Variants in CDK19 observed in about 807,000 individuals in gnomAD.
CDK19 encodes cyclin dependent kinase 19.
In CDK19, 20 loss-of-function variants were observed where a neutral mutation model predicts 68.3. That is an observed-to-expected ratio of 0.29 (90% CI 0.21 to 0.43). CDK19 has a LOEUF of 0.43. Among genes scored for constraint, CDK19 ranks in the 20% least tolerant of loss-of-function variants. The pLI is 1.00. For missense variants in CDK19, 339 were observed against 623.5 expected (o/e 0.54, Z 4.86); for synonymous variants, 221 against 222.8 (o/e 0.99, Z 0.07).
At chr6:110,715,270 C>T (rs569102086) in intron 2 of CDK19, among the ~76,000 whole-genome samples, 24 of 152,194 alleles carry the variant, frequency 1.6e-4, no homozygotes, top group African/African-American at 5.5e-4. Context: ...CTAAAAGTAG[C>T]TTAATCATTA....
chr6:110,674,437 G>A (rs974984766), intron 2 of CDK19, among the ~76,000 whole-genome samples: 1 of 152,182 alleles, frequency 6.6e-6, no homozygotes, highest in Non-Finnish European at 1.5e-5. Context: ...TGAAAGCTAG[G>A]CCTCTTGCAC....
intron 4 of CDK19, chr6:110,643,294 C>A: frequency 1.2e-6 from 1 of 806,500 alleles, no homozygotes; most frequent in Non-Finnish European, 1.8e-6. Flanking sequence ...AAGAGGTCCA[C>A]CTAAAGGTAA....
chr6:110,714,452 A>C (rs1775206769), intron 2 of CDK19, among the ~76,000 whole-genome samples: 1 of 152,212 alleles, frequency 6.6e-6, no homozygotes, highest in Non-Finnish European at 1.5e-5. Flanking sequence ...CCTGGGTCAT[A>C]TGGTAACTTT....
At chr6:110,751,527 C>A (rs1401700922) in intron 1 of CDK19, among the ~76,000 whole-genome samples, 1 of 152,070 alleles carries the variant, frequency 6.6e-6, no homozygotes, top group Non-Finnish European at 1.5e-5. Context: ...AGTTGTATTT[C>A]ATTATATACT....
chr6:110,775,149 GC>G (rs1357291549), intron 1 of CDK19, among the ~76,000 whole-genome samples: 1 of 152,086 alleles, frequency 6.6e-6, no homozygotes, highest in African/African-American at 2.4e-5. Flanking sequence ...GGAGGCTGAG[GC>G]AGGAAAATTG....
chr6:110,694,727 C>G (rs754266605), intron 2 of CDK19, among the ~76,000 whole-genome samples: 6 of 152,198 alleles, frequency 3.9e-5, no homozygotes, highest in Non-Finnish European at 7.3e-5. Context: ...ATGGAACATT[C>G]TCCAAGACAG....
At chr6:110,783,536 G>C (rs572139830) in intron 1 of CDK19, among the ~76,000 whole-genome samples, 143 of 151,730 alleles carry the variant, frequency 9.4e-4, no homozygotes, top group Admixed American at 4.9e-3. Flanking sequence ...TTCTCCAAAG[G>C]CTGAGGCAGG....
At chr6:110,638,255 T>C (rs931911792) in intron 5 of CDK19, among the ~76,000 whole-genome samples, 1 of 152,168 alleles carries the variant, frequency 6.6e-6, no homozygotes, top group African/African-American at 2.4e-5. Flanking sequence ...AAGGTTTAAA[T>C]ATATTCGCTC....
At chr6:110,675,015 G>C (rs1440663874) in intron 2 of CDK19, among the ~76,000 whole-genome samples, 3 of 152,120 alleles carry the variant, frequency 2.0e-5, no homozygotes, top group Non-Finnish European at 2.9e-5. Flanking sequence ...AGCTAACAGA[G>C]GTTGGTTCAT....
chr6:110,804,520 T>C (rs1782544380), intron 1 of CDK19, among the ~76,000 whole-genome samples: 1 of 151,452 alleles, frequency 6.6e-6, no homozygotes, highest in Admixed American at 6.6e-5. Context: ...GGGCTAATTT[T>C]TGTATTTTTT....
chr6:110,624,649 T>A (rs1244874718), intron 8 of CDK19, among the ~76,000 whole-genome samples: 1 of 152,246 alleles, frequency 6.6e-6, no homozygotes, highest in East Asian at 1.9e-4. Flanking sequence ...TAGCTTTTTA[T>A]TTAATATTGT....
Position 110,622,901 on chromosome 6 carries a change from G to T in CDK19, c.945C>A (p.Leu315=). The T allele has an allele frequency of 1.2e-6, 2 of 1,610,706 alleles. No homozygotes were observed. The highest frequency in any genetic ancestry group is 1.7e-6 in the Non-Finnish European group (2 of 1,176,864). ...TTCTCTTGGTTGGATCCATGGTCAG[G>T]AGTTTCTGAAGCTAGAGTGACACAC... ...DSKVFLLLQK[L]LTMDPTKRIT... is the part of the protein sequence containing the mutation. Residue 315 remains leucine (L), a synonymous_variant, in exon 10 of 13, where the codon CTC becomes CTA. Transcript: ENST00000368911.
chr6:110,662,094 C>T (rs942857299), intron 4 of CDK19, among the ~76,000 whole-genome samples: 4 of 152,046 alleles, frequency 2.6e-5, no homozygotes, highest in South Asian at 2.1e-4. Flanking sequence ...CTCAGCCTCC[C>T]GAGTAGCTGA....
intron 4 of CDK19, among the ~76,000 whole-genome samples, chr6:110,647,687 T>C (rs1446617695): frequency 6.6e-6 from 1 of 152,222 alleles, no homozygotes; most frequent in Admixed American, 6.5e-5. Flanking sequence ...CAACCACAGA[T>C]GATCTTAGAG....
intron 2 of CDK19, 78 bp downstream of exon 2, chr6:110,746,046 ATT>A (rs1396783453): frequency 1.4e-5 from 9 of 644,818 alleles, no homozygotes; most frequent in Admixed American, 2.9e-5. Context: ...CATTATATAT[ATT>A]AATGAAACTT....
chr6:110,678,982 T>C (rs9374194), intron 2 of CDK19, among the ~76,000 whole-genome samples: 28,090 of 152,076 alleles, frequency 0.18, 2,848 homozygotes, highest in South Asian at 0.39. Flanking sequence ...CTCCTTTGAA[T>C]GGGCTATAAT....
intron 2 of CDK19, among the ~76,000 whole-genome samples, chr6:110,685,692 G>A (rs1457485586): frequency 6.6e-6 from 1 of 152,082 alleles, no homozygotes; most frequent in African/African-American, 2.4e-5. Flanking sequence ...CTCCTACTTC[G>A]AAATTTTAGA....
Position 110,801,913 on chromosome 6 carries a change from C to T in CDK19, c.128+13096G>A, listed in dbSNP as rs768043064. 3.6e-4 allele frequency among the ~76,000 whole-genome samples: 55 copies of T among 151,988 alleles called. 1 individual carries two copies. The highest frequency in any genetic ancestry group is 9.7e-4 in the East Asian group (5 of 5,180). Reference sequence around the variant, plus strand: ...TTCTCAAAAGAAGACATACAAGTAGCGAAAAAACATGGGAGAAAACACTCA... The same window carrying T: ...TTCTCAAAAGAAGACATACAAGTAGTGAAAAAACATGGGAGAAAACACTCA... On this transcript the variant is annotated intron_variant, in intron 1 of 12. Transcript: ENST00000368911.
At chr6:110,775,112 G>C (rs1780307026) in intron 1 of CDK19, among the ~76,000 whole-genome samples, 1 of 151,986 alleles carries the variant, frequency 6.6e-6, no homozygotes, top group South Asian at 2.1e-4. Flanking sequence ...GGGTGTGGTG[G>C]CATGCGCCTG....
Sources: allele counts gnomAD v4.1 joint callset (sites outside exome capture counted in the v4.1 genomes callset), GRCh38; gene constraint gnomAD v4.1.1; transcripts MANE v1.5; gene names NCBI Gene and HGNC (gene_info 2026-07-23, HGNC 2026-07-21).